The following DAB1 variants were observed in gnomAD, a reference collection of about 807,000 sequenced individuals.
DAB1 encodes DAB adaptor protein 1.
In DAB1, 15 loss-of-function variants were observed where a neutral mutation model predicts 64.6. The ratio of observed to expected loss-of-function variants is 0.23; its 90% CI spans 0.16 to 0.36. The LOEUF (loss-of-function observed/expected upper bound fraction) is 0.36, where lower values mean the gene tolerates loss of function less well. Ranked by LOEUF, DAB1 falls within the 10% of genes least tolerant of loss-of-function variation. The pLI, the probability that DAB1 is intolerant of heterozygous loss-of-function variation, is 1.00. For synonymous variants in DAB1, 235 were observed against 251.9 expected, an observed-to-expected ratio of 0.93 and a Z score of 0.64; for missense variants, 596 against 706.7, an observed-to-expected ratio of 0.84 and a Z score of 1.78.
intron 7 of DAB1, among the ~76,000 whole-genome samples, chr1:57,472,907 T>A (rs181330311): frequency 5.9e-5 from 9 of 152,300 alleles, no homozygotes; most frequent in Admixed American, 3.9e-4. Context: ...CAGCAAAAAA[T>A]GCACTAAAAT....
chr1:57,705,463 T>C (rs1646956153), intron 6 of DAB1, among the ~76,000 whole-genome samples: 1 of 152,156 alleles, frequency 6.6e-6, no homozygotes, highest in South Asian at 2.1e-4. Flanking sequence ...CCTATTTACA[T>C]TGCATTAAAA....
At chr1:58,026,820 C>T (rs1487321134) in intron 5 of DAB1, among the ~76,000 whole-genome samples, 1 of 152,180 alleles carries the variant, frequency 6.6e-6, no homozygotes, top group Non-Finnish European at 1.5e-5. Context: ...TAAAGCAACT[C>T]ATTTGTCACC....
intron 2 of DAB1, among the ~76,000 whole-genome samples, chr1:57,243,906 A>G (rs142095339): frequency 6.6e-6 from 1 of 152,142 alleles, no homozygotes; most frequent in Non-Finnish European, 1.5e-5. Context: ...GAACCAATTC[A>G]TCCGTATCTC....
rs192204181 is a variant in DAB1, at chr1:57,958,141, C to T, written n.388-73979G>A. 3.4e-3 allele frequency among the ~76,000 whole-genome samples: 513 copies of T among 152,154 alleles called. 3 individuals are homozygous for T. The highest frequency in any genetic ancestry group is 6.1e-3 in the Non-Finnish European group (416 of 68,006). ...CTGAGATTACAGGTGTCTGCCACCA[C>T]GCTCTGCTAAATTTTTAGTAGAGAC... On this transcript the variant is annotated intron_variant and non_coding_transcript_variant, in intron 5 of 20. Transcript: ENST00000485760.
chr1:57,048,572 G>C (rs149690842), intron 9 of DAB1, among the ~76,000 whole-genome samples: 6 of 152,234 alleles, frequency 3.9e-5, no homozygotes, highest in Admixed American at 3.9e-4. Context: ...TCCTACCCAC[G>C]TAATAACGAG....
chr1:57,997,086 TA>T (rs1157117120), intron 5 of DAB1, among the ~76,000 whole-genome samples: 1 of 152,050 alleles, frequency 6.6e-6, no homozygotes, highest in Non-Finnish European at 1.5e-5. Flanking sequence ...CATCTCCCAG[TA>T]CATAAAAAAA....
At chr1:57,767,035 T>C (rs1160009387) in intron 6 of DAB1, among the ~76,000 whole-genome samples, 1 of 152,050 alleles carries the variant, frequency 6.6e-6, no homozygotes, top group East Asian at 1.9e-4. Context: ...GGCACCACCT[T>C]TTCAGCCCAT....
intron 2 of DAB1, among the ~76,000 whole-genome samples, chr1:57,163,698 A>G (rs1660970793): frequency 6.6e-6 from 1 of 152,120 alleles, no homozygotes. Context: ...CAAGGATGAC[A>G]GCACTAGATA....
chr1:58,085,115 T>C (rs1361168704), intron 5 of DAB1, among the ~76,000 whole-genome samples: 1 of 152,174 alleles, frequency 6.6e-6, no homozygotes, highest in African/African-American at 2.4e-5. Context: ...TCCTTTTTTA[T>C]AGGTGATGTT....
chr1:57,020,709 C>T (rs1202137707), intron 11 of DAB1, among the ~76,000 whole-genome samples: 1 of 152,138 alleles, frequency 6.6e-6, no homozygotes, highest in African/African-American at 2.4e-5. Flanking sequence ...GATGATGTGC[C>T]AGCATTTTTC....
intron 6 of DAB1, among the ~76,000 whole-genome samples, chr1:57,804,724 T>C (rs1243145956): frequency 6.6e-6 from 1 of 152,148 alleles, no homozygotes; most frequent in Non-Finnish European, 1.5e-5. Context: ...CAGAGGGAAA[T>C]TGCAAGGAAT....
intron 7 of DAB1, among the ~76,000 whole-genome samples, chr1:57,628,271 A>G (rs1645947041): frequency 6.6e-6 from 1 of 152,228 alleles, no homozygotes; most frequent in African/African-American, 2.4e-5. Context: ...GCATTTATAA[A>G]GTGTAATATG....
intron 4 of DAB1, among the ~76,000 whole-genome samples, chr1:57,102,158 G>A (rs572427): frequency 0.82 from 124,372 of 152,196 alleles, 51,024 homozygotes; most frequent in East Asian, 0.98. Flanking sequence ...AAAGGTCCCC[G>A]GAGGGTCTTC....
intron 4 of DAB1, among the ~76,000 whole-genome samples, chr1:58,172,281 CA>C (rs1379755658): frequency 3.3e-5 from 5 of 152,248 alleles, no homozygotes; most frequent in East Asian, 1.9e-4. Context: ...AACAATCCCA[CA>C]ACCAGTGGCA....
At chr1:57,241,424 T>C (rs941776457) in intron 2 of DAB1, among the ~76,000 whole-genome samples, 1 of 152,152 alleles carries the variant, frequency 6.6e-6, no homozygotes, top group Non-Finnish European at 1.5e-5. Context: ...CCAGGTTTCA[T>C]TCTATCAAAT....
At chr1:57,587,824 GAC>G (rs1332608492) in intron 7 of DAB1, among the ~76,000 whole-genome samples, 2 of 152,206 alleles carry the variant, frequency 1.3e-5, no homozygotes, top group Non-Finnish European at 2.9e-5. Context: ...AAAAAAGACA[GAC>G]ATCAGTCATA....
intron 4 of DAB1, among the ~76,000 whole-genome samples, chr1:58,215,066 G>A (rs768014886): frequency 6.6e-6 from 1 of 152,106 alleles, no homozygotes; most frequent in Non-Finnish European, 1.5e-5. Flanking sequence ...GCAGAAATAG[G>A]CCTTACTGAA....
chr1:57,960,288 G>C (rs1557579886), intron 5 of DAB1, among the ~76,000 whole-genome samples: 1 of 152,226 alleles, frequency 6.6e-6, no homozygotes, highest in East Asian at 1.9e-4. Context: ...AAATTACTAT[G>C]TTTCACTGTC....
rs61767360 is a variant in DAB1, at chr1:57,267,771, A to G, written c.67+23193T>C. On this transcript the variant is annotated intron_variant, in intron 2 of 14. Coordinates refer to ENST00000371236, the MANE Select transcript of DAB1 (RefSeq NM_001365792.1). Reference sequence around the variant, plus strand: ...CTCTTATGGTATTGGATAAATGCCCACTCCAAAACACATATCGGGAAACAC... The same window carrying G: ...CTCTTATGGTATTGGATAAATGCCCGCTCCAAAACACATATCGGGAAACAC... Among the ~76,000 whole-genome samples, 1,141 of 152,292 alleles carry G rather than the reference A, an allele frequency of 7.5e-3. 30 individuals are homozygous for G. In the East Asian group the frequency reaches 0.079, roughly 11 times the overall value.
Sources: allele counts gnomAD v4.1 joint callset (sites outside exome capture counted in the v4.1 genomes callset), GRCh38; gene constraint gnomAD v4.1.1; transcripts MANE v1.5; gene names NCBI Gene and HGNC (gene_info 2026-07-23, HGNC 2026-07-21).